The following RYR2 variants were observed in gnomAD, a reference collection of about 807,000 sequenced individuals.
RYR2 encodes ryanodine receptor 2.
A neutral mutation model predicts 601.1 loss-of-function variants in RYR2; 227 were observed. That is an observed-to-expected ratio of 0.38 (90% CI 0.34 to 0.42). RYR2 has a LOEUF of 0.42. Ranked by LOEUF, RYR2 falls within the 10% of genes least tolerant of loss-of-function variation. RYR2 has a pLI of 1.00. For missense variants in RYR2, 4,646 were observed against 6,156.5 expected, an observed-to-expected ratio of 0.75 and a Z score of 8.21; for synonymous variants, 2,223 against 2,175.1, an observed-to-expected ratio of 1.02 and a Z score of -0.61.
At chr1:237,680,982 A>C (rs1432841387) in intron 62 of RYR2, among the ~76,000 whole-genome samples, 1 of 152,222 alleles carries the variant, frequency 6.6e-6, no homozygotes, top group Non-Finnish European at 1.5e-5. Flanking sequence ...AATTTAATTT[A>C]AAAATAATGA....
intron 24 of RYR2, among the ~76,000 whole-genome samples, chr1:237,523,748 A>AAAAAC (rs780501256): frequency 6.4e-4 from 94 of 147,600 alleles, no homozygotes; most frequent in Non-Finnish European, 1.1e-3. Context: ...AAAAAAAAAA[A>AAAAAC]GGCAAAAATT....
chr1:237,070,067 G>A (rs1220952434), intron 1 of RYR2, among the ~76,000 whole-genome samples: 2 of 136,984 alleles, frequency 1.5e-5, no homozygotes, highest in African/African-American at 5.5e-5. Context: ...ATCTTACTGT[G>A]TTGCCCAGGT....
chr1:237,625,392 A>T (rs1679539436), intron 39 of RYR2, among the ~76,000 whole-genome samples: 1 of 152,110 alleles, frequency 6.6e-6, no homozygotes, highest in Non-Finnish European at 1.5e-5. Flanking sequence ...TGCCCCTAAG[A>T]GAGTCTTTTT....
chr1:237,117,240 A>C (rs1343619892), intron 1 of RYR2, among the ~76,000 whole-genome samples: 3 of 152,186 alleles, frequency 2.0e-5, no homozygotes, highest in Admixed American at 1.3e-4. Context: ...GTACAGTAGA[A>C]GATGAGGTAT....
intron 29 of RYR2, among the ~76,000 whole-genome samples, chr1:237,577,144 T>TA (rs1673310890): frequency 6.6e-6 from 1 of 152,140 alleles, no homozygotes. Context: ...CAGCAGGAGA[T>TA]ATGTACAAGA....
chr1:237,231,274 T>C (rs1006142077), intron 1 of RYR2, among the ~76,000 whole-genome samples: 6 of 152,058 alleles, frequency 3.9e-5, no homozygotes, highest in African/African-American at 1.4e-4. Context: ...TTCTTTTCAT[T>C]CTTTCTTTTT....
At chr1:237,517,881 C>T (rs187202290) in intron 24 of RYR2, among the ~76,000 whole-genome samples, 98 of 152,242 alleles carry the variant, frequency 6.4e-4, no homozygotes, top group African/African-American at 2.2e-3. Flanking sequence ...GCATAACATT[C>T]TCAGATGCCA....
At chr1:237,358,905 T>G (rs1269562144) in intron 4 of RYR2, among the ~76,000 whole-genome samples, 2 of 152,046 alleles carry the variant, frequency 1.3e-5, no homozygotes, top group Non-Finnish European at 2.9e-5. Flanking sequence ...AAGAAACCAT[T>G]TCTTTGCTGC....
At chr1:237,439,533 A>G (rs1047910085) in intron 12 of RYR2, among the ~76,000 whole-genome samples, 3 of 151,728 alleles carry the variant, frequency 2.0e-5, no homozygotes, top group African/African-American at 4.8e-5. Context: ...CGTCCCAGCT[A>G]CTCGGGAGGC....
chr1:237,296,924 A>T (rs1247148809), intron 2 of RYR2, among the ~76,000 whole-genome samples: 1 of 152,244 alleles, frequency 6.6e-6, no homozygotes, highest in Non-Finnish European at 1.5e-5. Context: ...GTGCATTAGT[A>T]CATATTCGTT....
At position 237,833,666 on chromosome 1, in the gene RYR2, T is replaced by A. The variant is rs931491976; in HGVS notation, c.*1019T>A. On this transcript the variant is annotated 3_prime_UTR_variant, in exon 105 of 105. Coordinates refer to ENST00000366574, the MANE Select transcript of RYR2 (RefSeq NM_001035.3). ...GATACAATATGAACTTGACAGTAGT[T>A]TTGGGTTTTGCTCATTCTTTCAGCC... 1 of 152,618 alleles carries A rather than the reference T, an allele frequency of 6.6e-6. No individual in the cohort carries two copies. Among genetic ancestry groups the A allele is most frequent in the African/African-American group, 2.4e-5 (1 of 41,458 alleles). The allele number at this position is 152,618 out of a possible 1,614,324, so 9.5% of individuals were successfully genotyped here. A position where few individuals can be genotyped will look rare whatever the true frequency, so the allele number is the denominator to read the frequency against.
intron 1 of RYR2, among the ~76,000 whole-genome samples, chr1:237,098,192 G>A (rs1216951987): frequency 1.3e-5 from 2 of 152,100 alleles, no homozygotes; most frequent in Non-Finnish European, 2.9e-5. Flanking sequence ...ACAGAAACGG[G>A]CCAGTGATTC....
At chr1:237,082,370 G>A (rs558453241) in intron 1 of RYR2, among the ~76,000 whole-genome samples, 25 of 151,706 alleles carry the variant, frequency 1.6e-4, no homozygotes, top group Middle Eastern at 3.4e-3. Flanking sequence ...CAAAGATGGC[G>A]GACATTTTTA....
At chr1:237,354,207 C>T (rs561630733) in intron 3 of RYR2, among the ~76,000 whole-genome samples, 5 of 152,208 alleles carry the variant, frequency 3.3e-5, no homozygotes, top group Admixed American at 3.3e-4. Flanking sequence ...CTAATTCTTG[C>T]GCCTTGAAGA....
In RYR2 at chr1:237,733,579, T is replaced by C. The variant is rs557404839; in HGVS notation, c.11040-126T>C. Reference sequence around the variant, plus strand: ...ATCCTAATATTGTCTTAGTTTTGTGTTCATTTAATTTTAAAAAGGTATACT... The same window carrying C: ...ATCCTAATATTGTCTTAGTTTTGTGCTCATTTAATTTTAAAAAGGTATACT... On this transcript the variant is annotated intron_variant, in intron 78 of 104. Transcript: ENST00000366574. 63 of 692,576 alleles carry C rather than the reference T, an allele frequency of 9.1e-5. 2 individuals are homozygous for C. The Middle Eastern group carries it at 9.3e-4, about 10-fold the overall frequency. The allele number at this position is 692,576 out of a possible 1,614,324, so 42.9% of individuals were successfully genotyped here. A position where few individuals can be genotyped will look rare whatever the true frequency, so the allele number is the denominator to read the frequency against.
At chr1:237,787,705 G>A (rs913899488) in intron 91 of RYR2, among the ~76,000 whole-genome samples, 21 of 150,132 alleles carry the variant, frequency 1.4e-4, no homozygotes, top group African/African-American at 4.4e-4. Flanking sequence ...ATGTTTCATT[G>A]CAGAATTGGA....
At chr1:237,498,307 C>T (rs757311080) in intron 20 of RYR2, among the ~76,000 whole-genome samples, 4 of 152,086 alleles carry the variant, frequency 2.6e-5, no homozygotes, top group Non-Finnish European at 5.9e-5. Context: ...CAAAGGCGAC[C>T]TGTGCCAGCC....
At chr1:237,580,420 G>A (rs748118842) in intron 29 of RYR2, among the ~76,000 whole-genome samples, 1 of 151,482 alleles carries the variant, frequency 6.6e-6, no homozygotes, top group Non-Finnish European at 1.5e-5. Flanking sequence ...GCCTCCAAAG[G>A]TGTTGGGATT....
At chr1:237,328,328 G>C (rs956205399) in intron 2 of RYR2, among the ~76,000 whole-genome samples, 2 of 152,068 alleles carry the variant, frequency 1.3e-5, no homozygotes, top group Admixed American at 6.5e-5. Flanking sequence ...TAATTAGTAT[G>C]GTTAGAACTT....
Sources: gnomAD v4.1 joint callset for allele counts (sites outside exome capture counted in the v4.1 genomes callset) on GRCh38, gnomAD v4.1.1 for gene constraint, MANE v1.5 for transcripts, NCBI Gene and HGNC (gene_info 2026-07-23, HGNC 2026-07-21) for gene names.